Variants in TMTC1 observed in about 807,000 individuals in gnomAD.
The protein encoded by TMTC1 is protein O-mannosyl-transferase TMTC1.
In TMTC1, 73 loss-of-function variants were observed where a neutral mutation model predicts 104.8. That is an observed-to-expected ratio of 0.70 (90% CI 0.58 to 0.85). The LOEUF (loss-of-function observed/expected upper bound fraction) is 0.85, where lower values mean the gene tolerates loss of function less well. Ranked by LOEUF, TMTC1 falls within the 40% of genes least tolerant of loss-of-function variation. TMTC1 has a pLI of 0.00. For synonymous variants in TMTC1, 434 were observed against 428.7 expected (o/e 1.01, Z -0.15); for missense variants, 1,035 against 1,096.1 (o/e 0.94, Z 0.79).
chr12:29,564,191 G>A (rs138409812), intron 9 of TMTC1, among the ~76,000 whole-genome samples: 1 of 152,340 alleles, frequency 6.6e-6, no homozygotes, highest in Non-Finnish European at 1.5e-5. Context: ...AAGATGACCA[G>A]TCAAGTTTGA....
At chr12:29,660,532 C>T (rs1283783008) in intron 5 of TMTC1, among the ~76,000 whole-genome samples, 1 of 152,196 alleles carries the variant, frequency 6.6e-6, no homozygotes, top group African/African-American at 2.4e-5. Context: ...CTTGAGACAA[C>T]TCAGCCTCAG....
At chr12:29,611,620 T>C (rs1409617) in intron 6 of TMTC1, among the ~76,000 whole-genome samples, 35,168 of 152,118 alleles carry the variant, frequency 0.23, 4,945 homozygotes, top group East Asian at 0.38. Flanking sequence ...TAGAAAAAGT[T>C]AGAAATGAAC....
chr12:29,525,107 C>A (rs924333395), intron 11 of TMTC1, among the ~76,000 whole-genome samples: 3 of 143,310 alleles, frequency 2.1e-5, no homozygotes, highest in African/African-American at 7.6e-5. Context: ...GATTATGAAC[C>A]TAAGCTTTGA....
intron 7 of TMTC1, among the ~76,000 whole-genome samples, chr12:29,596,142 G>T (rs1227653667): frequency 2.0e-5 from 3 of 152,038 alleles, no homozygotes; most frequent in African/African-American, 7.2e-5. Flanking sequence ...AAGTAGCTGC[G>T]ATTACAGGCA....
Position 29,506,892 on chromosome 12 carries a change from C to A in TMTC1, c.2603G>T (p.Arg868Leu), listed in dbSNP as rs35279918. ...AACTTCTTGTAATCGTTTTTCTAGGCGATCCAATTTGGCAAGATTTTCCTT... is the reference window on the plus strand; with the variant it reads ...AACTTCTTGTAATCGTTTTTCTAGGAGATCCAATTTGGCAAGATTTTCCTT... ...LLKENLAKLD[R>L]LEKRLQEVRE... Residue 868 changes from arginine (R) to leucine (L), a missense_variant, in exon 18 of 18, where the codon CGC becomes CTC. Coordinates refer to ENST00000539277, the MANE Select transcript of TMTC1 (RefSeq NM_001193451.2). 1.9e-6 allele frequency: 3 copies of A among 1,614,072 alleles called. No homozygotes were observed. Among genetic ancestry groups the A allele is most frequent in the East Asian group, 2.2e-5 (1 of 44,868 alleles).
chr12:29,601,959 C>T (rs1946578099), intron 7 of TMTC1, among the ~76,000 whole-genome samples: 1 of 150,624 alleles, frequency 6.6e-6, no homozygotes, highest in Admixed American at 6.6e-5. Flanking sequence ...CCTCAGCCTC[C>T]AGAGTAGCTA....
chr12:29,701,076 GCTGA>G (rs915873717), intron 5 of TMTC1, among the ~76,000 whole-genome samples: 1 of 145,856 alleles, frequency 6.9e-6, no homozygotes, highest in East Asian at 2.0e-4. Flanking sequence ...TCACTGCTCT[GCTGA>G]CTGAGAGTCT....
intron 7 of TMTC1, among the ~76,000 whole-genome samples, chr12:29,602,178 T>C (rs1946585459): frequency 6.8e-6 from 1 of 146,576 alleles, no homozygotes; most frequent in Non-Finnish European, 1.5e-5. Context: ...GGTCTGGTTC[T>C]GTCACCCAGG....
chr12:29,510,322 C>T (rs1359314128), intron 17 of TMTC1, among the ~76,000 whole-genome samples: 3 of 151,846 alleles, frequency 2.0e-5, no homozygotes, highest in Non-Finnish European at 4.4e-5. Context: ...TCTTATGAGA[C>T]CATGAGACAT....
intron 5 of TMTC1, among the ~76,000 whole-genome samples, chr12:29,736,273 A>AG (rs2136929674): frequency 6.6e-6 from 1 of 152,172 alleles, no homozygotes; most frequent in East Asian, 1.9e-4. Flanking sequence ...AAAAAAAAAA[A>AG]AAAAAAAGGA....
chr12:29,726,467 G>A (rs61802), intron 5 of TMTC1, among the ~76,000 whole-genome samples: 55,933 of 150,346 alleles, frequency 0.37, 11,341 homozygotes, highest in Non-Finnish European at 0.45. Context: ...TTTTAGTAAA[G>A]TCCTTTTCAA....
chr12:29,584,773 C>T (rs1946082708), intron 7 of TMTC1, among the ~76,000 whole-genome samples: 1 of 151,694 alleles, frequency 6.6e-6, no homozygotes, highest in African/African-American at 2.4e-5. Context: ...ATGAACTCAT[C>T]ATTTTTTATG....
chr12:29,562,116 T>C (rs950875584), intron 9 of TMTC1, among the ~76,000 whole-genome samples: 1 of 152,242 alleles, frequency 6.6e-6, no homozygotes, highest in African/African-American at 2.4e-5. Flanking sequence ...GTGACTAAAT[T>C]GCACTTGAGT....
At chr12:29,690,036 T>A (rs1487249845) in intron 5 of TMTC1, among the ~76,000 whole-genome samples, 1 of 152,214 alleles carries the variant, frequency 6.6e-6, no homozygotes, top group African/African-American at 2.4e-5. Flanking sequence ...CTGTTTGGCA[T>A]CCCAATCAGA....
At chr12:29,716,502 T>C (rs1005321342) in intron 5 of TMTC1, among the ~76,000 whole-genome samples, 3 of 152,168 alleles carry the variant, frequency 2.0e-5, no homozygotes, top group Non-Finnish European at 4.4e-5. Context: ...AAATTGTTTA[T>C]TAAAAATATT....
chr12:29,724,507 C>A (rs1407968770), intron 5 of TMTC1, among the ~76,000 whole-genome samples: 2 of 152,144 alleles, frequency 1.3e-5, no homozygotes, highest in Non-Finnish European at 2.9e-5. Flanking sequence ...CTTTCCATCA[C>A]CACATTCTGG....
In TMTC1 at chr12:29,751,817, A is replaced by G; in HGVS notation, c.787T>C (p.Ser263Pro). The change falls in exon 5 of 18, where the codon TCC (serine) becomes CCC (proline). Residue 263 changes from serine to proline, a missense_variant. Coordinates refer to ENST00000539277, the MANE Select transcript of TMTC1 (RefSeq NM_001193451.2). ...CGGTGAGGATGGCCTGGCAGTGAGG[A>G]GGGCTGGGGGCTCCCGGGCTGCTGT... ...SPQQPGSPQP[S>P]SLPGHPHREN... is the part of the protein sequence containing the mutation. 6.2e-7 allele frequency: 1 copy of G among 1,608,642 alleles called. No homozygotes were observed. The highest frequency in any genetic ancestry group is 8.5e-7 in the Non-Finnish European group (1 of 1,177,368).
At chr12:29,758,622 C>T in intron 3 of TMTC1, 82 bp downstream of exon 3, 3 of 1,335,640 alleles carry the variant, frequency 2.2e-6, no homozygotes, top group Non-Finnish European at 3.2e-6. Flanking sequence ...CCAGAAGCTT[C>T]TCTCCTCTCA....
intron 10 of TMTC1, among the ~76,000 whole-genome samples, chr12:29,543,488 C>T (rs1944858708): frequency 6.6e-6 from 1 of 152,144 alleles, no homozygotes; most frequent in Admixed American, 6.5e-5. Context: ...CTCTTGGTGG[C>T]AGTAAAATTT....
Sources: gnomAD v4.1 joint callset for allele counts (sites outside exome capture counted in the v4.1 genomes callset) on GRCh38, gnomAD v4.1.1 for gene constraint, MANE v1.5 for transcripts, NCBI Gene and HGNC (gene_info 2026-07-23, HGNC 2026-07-21) for gene names.